Variants in PTPRD observed in about 807,000 individuals in gnomAD.
PTPRD encodes the protein receptor-type tyrosine-protein phosphatase delta.
A neutral mutation model predicts 214.5 loss-of-function variants in PTPRD; 34 were observed. The ratio of observed to expected loss-of-function variants is 0.16; its 90% CI spans 0.12 to 0.21. The LOEUF (loss-of-function observed/expected upper bound fraction) is 0.21. Ranked by LOEUF, PTPRD falls within the 10% of genes least tolerant of loss-of-function variation. The probability of loss-of-function intolerance (pLI) is 1.00; values close to 1 mark genes in which losing one functional copy is unlikely to be tolerated. For synonymous variants in PTPRD, 1,128 were observed against 845.7 expected (o/e 1.33, Z -5.79); for missense variants, 2,545 against 2,398.7 (o/e 1.06, Z -1.27).
chr9:9,305,948 GC>G (rs1167496321), intron 9 of PTPRD, among the ~76,000 whole-genome samples: 1 of 151,940 alleles, frequency 6.6e-6, no homozygotes, highest in Non-Finnish European at 1.5e-5. Context: ...TGATCTTTTA[GC>G]CTTCAGAATG....
At chr9:8,913,780 G>T (rs1306182286) in intron 11 of PTPRD, among the ~76,000 whole-genome samples, 4 of 152,058 alleles carry the variant, frequency 2.6e-5, no homozygotes, top group Admixed American at 6.6e-5. Flanking sequence ...TATACTTATT[G>T]GTGGACAATG....
intron 8 of PTPRD, among the ~76,000 whole-genome samples, chr9:9,570,540 C>T (rs1031204712): frequency 6.6e-6 from 1 of 151,416 alleles, no homozygotes; most frequent in Non-Finnish European, 1.5e-5. Flanking sequence ...ATAACTTATG[C>T]TCTATTTCTC....
At chr9:10,464,911 C>A (rs1056995057) in intron 2 of PTPRD, among the ~76,000 whole-genome samples, 3 of 151,966 alleles carry the variant, frequency 2.0e-5, no homozygotes, top group African/African-American at 7.3e-5. Flanking sequence ...AGTCATATAG[C>A]CTAAAACTAA....
intron 6 of PTPRD, among the ~76,000 whole-genome samples, chr9:9,750,841 T>C (rs1221989840): frequency 6.6e-6 from 1 of 152,084 alleles, no homozygotes; most frequent in Admixed American, 6.6e-5. Flanking sequence ...ATATGCTTCC[T>C]CCAAAGGCCC....
chr9:9,690,349 G>C (rs997773988), intron 7 of PTPRD, among the ~76,000 whole-genome samples: 1 of 151,614 alleles, frequency 6.6e-6, no homozygotes, highest in South Asian at 2.1e-4. Context: ...CCTTCCTATC[G>C]AGTTGTCTGA....
At position 8,867,451 on chromosome 9, in the gene PTPRD, G is replaced by A. The variant is rs186110807; in HGVS notation, c.-103-133505C>T. Among the ~76,000 whole-genome samples the A allele has an allele frequency of 5.3e-4, 81 of 152,266 alleles. 1 individual carries two copies. Among genetic ancestry groups the A allele is most frequent in the African/African-American group, 1.9e-3 (80 of 41,580 alleles). ...CTTTTTACTTTTCCTCCCTCAGAGA[G>A]ACCTCCTGCTAGGTGAGTCCCAGGC... is the stretch of plus-strand genomic sequence containing the variant. On this transcript the variant is annotated intron_variant, in intron 11 of 45. Coordinates refer to ENST00000381196, the MANE Select transcript of PTPRD (RefSeq NM_002839.4).
chr9:10,418,519 G>A (rs898498089), intron 2 of PTPRD, among the ~76,000 whole-genome samples: 1 of 147,062 alleles, frequency 6.8e-6, no homozygotes, highest in Non-Finnish European at 1.5e-5. Context: ...TCCTTCTGCT[G>A]TAATTTTCTC....
chr9:10,486,211 C>T (rs1166944763), intron 2 of PTPRD, among the ~76,000 whole-genome samples: 1 of 152,120 alleles, frequency 6.6e-6, no homozygotes, highest in Non-Finnish European at 1.5e-5. Flanking sequence ...TCAATGTTGG[C>T]TTTTGTTCCA....
At chr9:9,307,015 A>C (rs1215687241) in intron 9 of PTPRD, among the ~76,000 whole-genome samples, 2 of 152,200 alleles carry the variant, frequency 1.3e-5, no homozygotes, top group Non-Finnish European at 2.9e-5. Flanking sequence ...GTAAGATTCA[A>C]ATTGTTAACA....
intron 5 of PTPRD, among the ~76,000 whole-genome samples, chr9:9,875,565 G>A (rs549785888): frequency 2.6e-5 from 4 of 152,092 alleles, no homozygotes; most frequent in Non-Finnish European, 4.4e-5. Context: ...ATTATTGTAG[G>A]TTAACTATTA....
At chr9:10,216,223 C>A (rs188922052) in intron 3 of PTPRD, among the ~76,000 whole-genome samples, 1 of 151,506 alleles carries the variant, frequency 6.6e-6, no homozygotes, top group Admixed American at 6.6e-5. Flanking sequence ...TTTGGCACCC[C>A]CTTAAGGTTT....
rs1309788447 is a variant in PTPRD at position 8,351,918 on chromosome 9, G to C, written c.4662-9940C>G. Reference sequence around the variant, plus strand: ...AAACTAAGCACAAAGTTCCCAAACTGCCTGATAAGGATCCTTGTATAGAAT... The same window carrying C: ...AAACTAAGCACAAAGTTCCCAAACTCCCTGATAAGGATCCTTGTATAGAAT... On this transcript the variant is annotated intron_variant, in intron 39 of 45. Transcript: ENST00000381196. Among the ~76,000 whole-genome samples, 5 of 152,058 alleles carry C rather than the reference G, an allele frequency of 3.3e-5. No homozygotes were observed. In the East Asian group the frequency reaches 9.6e-4, roughly 29 times the overall value.
intron 10 of PTPRD, among the ~76,000 whole-genome samples, chr9:9,170,808 C>T (rs1176064325): frequency 1.3e-5 from 2 of 152,148 alleles, no homozygotes; most frequent in Non-Finnish European, 2.9e-5. Context: ...CATTTGTCAG[C>T]CCCAGACTTC....
At chr9:9,010,769 C>A (rs902365220) in intron 11 of PTPRD, among the ~76,000 whole-genome samples, 1 of 152,108 alleles carries the variant, frequency 6.6e-6, no homozygotes, top group Non-Finnish European at 1.5e-5. Flanking sequence ...CTATTAAGAA[C>A]ACTCTTTTTG....
chr9:10,414,554 G>A (rs2098469136), intron 2 of PTPRD, among the ~76,000 whole-genome samples: 1 of 151,892 alleles, frequency 6.6e-6, no homozygotes, highest in South Asian at 2.1e-4. Context: ...GCTAAAAACA[G>A]AACTGTGATT....
intron 27 of PTPRD, among the ~76,000 whole-genome samples, chr9:8,489,935 G>T (rs186259627): frequency 3.3e-5 from 5 of 152,150 alleles, no homozygotes; most frequent in Admixed American, 3.3e-4. Flanking sequence ...GATGCAGCAG[G>T]GTCCATGTTC....
chr9:10,354,284 G>T (rs1597878173), intron 2 of PTPRD, among the ~76,000 whole-genome samples: 2 of 152,134 alleles, frequency 1.3e-5, no homozygotes, highest in East Asian at 1.9e-4. Flanking sequence ...AACATTTGTT[G>T]CTATACATCT....
At chr9:9,981,368 T>TTA (rs1566906241) in intron 4 of PTPRD, among the ~76,000 whole-genome samples, 1 of 151,270 alleles carries the variant, frequency 6.6e-6, no homozygotes, top group African/African-American at 2.4e-5. Context: ...TTTTTTTTTT[T>TTA]TTTTAAGACA....
intron 7 of PTPRD, among the ~76,000 whole-genome samples, chr9:9,683,076 C>T (rs1350074537): frequency 6.6e-6 from 1 of 151,754 alleles, no homozygotes; most frequent in Admixed American, 6.6e-5. Context: ...AAATATAATG[C>T]TTATGGCAAG....
Sources: allele counts gnomAD v4.1 joint callset (sites outside exome capture counted in the v4.1 genomes callset), GRCh38; gene constraint gnomAD v4.1.1; transcripts MANE v1.5; gene names NCBI Gene and HGNC (gene_info 2026-07-23, HGNC 2026-07-21).